PSD3: variants seen among roughly 807,000 people sequenced by gnomAD.
PSD3 encodes the protein pleckstrin and Sec7 domain containing 3.
PSD3 carries 49 observed loss-of-function variants against 105.5 expected under a neutral mutation model. The ratio of observed to expected loss-of-function variants is 0.46; its 90% CI spans 0.37 to 0.59. The LOEUF (loss-of-function observed/expected upper bound fraction) is 0.59. Ranked by LOEUF, PSD3 falls within the 20% of genes least tolerant of loss-of-function variation. PSD3 has a pLI of 0.00. For missense variants in PSD3, 1,561 were observed against 1,263.8 expected (o/e 1.24, Z -3.57); for synonymous variants, 557 against 457.8 (o/e 1.22, Z -2.77).
rs146717779 is a variant in PSD3, at chr8:18,895,825, C to T, written c.131-23092G>A. Among the ~76,000 whole-genome samples, 136 of 152,294 alleles carry T rather than the reference C, an allele frequency of 8.9e-4. 1 individual carries two copies. Among genetic ancestry groups the T allele is most frequent in the African/African-American group, 2.9e-3 (120 of 41,560 alleles). The stretch of plus-strand genomic sequence containing the variant: ...TGAAAACATTAAAAGTCCACTCTTT[C>T]GGCTATTTGAAAATATACAATAAAT... On this transcript the variant is annotated intron_variant, in intron 2 of 15. Transcript: ENST00000327040.
At chr8:18,823,137 A>G (rs1812883959) in intron 4 of PSD3, among the ~76,000 whole-genome samples, 2 of 152,126 alleles carry the variant, frequency 1.3e-5, no homozygotes, top group Non-Finnish European at 1.5e-5. Flanking sequence ...AATAACTAGA[A>G]AAGCATACCT....
rs564495033 is a variant in PSD3 at position 18,910,150 on chromosome 8, T to G, written c.130+25884A>C. On this transcript the variant is annotated intron_variant, in intron 2 of 15. Coordinates refer to ENST00000327040, the MANE Select transcript of PSD3 (RefSeq NM_015310.4). ...TCCCATTACTGGGTATATACCCAAA[T>G]GAGTATAAATCATGCTGCTATAAAG... 4.7e-4 allele frequency among the ~76,000 whole-genome samples: 72 copies of G among 152,092 alleles called. No homozygotes were observed. In the East Asian group the frequency reaches 0.011, roughly 23 times the overall value.
intron 10 of PSD3, among the ~76,000 whole-genome samples, chr8:18,647,794 C>G (rs528179866): frequency 4.6e-5 from 7 of 152,172 alleles, no homozygotes; most frequent in East Asian, 3.9e-4. Flanking sequence ...GGCATTACCC[C>G]CTTTAGTACT....
chr8:18,666,321 GA>G (rs1481269006), intron 9 of PSD3, among the ~76,000 whole-genome samples: 1 of 152,226 alleles, frequency 6.6e-6, no homozygotes, highest in Non-Finnish European at 1.5e-5. Flanking sequence ...AAAGTTCTGT[GA>G]TTAAAGGCGT....
chr8:19,072,782 G>C (rs193180657), intron 1 of PSD3, among the ~76,000 whole-genome samples: 1 of 152,166 alleles, frequency 6.6e-6, no homozygotes. Flanking sequence ...TTCTGTGCTA[G>C]GCTCAATTCC....
intron 2 of PSD3, chr8:18,887,117 G>A (rs1818497306): frequency 6.6e-6 from 1 of 152,206 alleles, no homozygotes; most frequent in South Asian, 2.1e-4. Flanking sequence ...TGTCATCTTA[G>A]TATTATGCAG....
intron 12 of PSD3, among the ~76,000 whole-genome samples, chr8:18,588,100 C>T (rs1020061272): frequency 1.3e-5 from 2 of 152,112 alleles, no homozygotes; most frequent in African/African-American, 4.8e-5. Flanking sequence ...TGGCTCGATA[C>T]CCCAAAGAAC....
At chr8:18,693,648 G>A (rs1356799038) in intron 9 of PSD3, among the ~76,000 whole-genome samples, 1 of 152,150 alleles carries the variant, frequency 6.6e-6, no homozygotes, top group Non-Finnish European at 1.5e-5. Flanking sequence ...CGGTGACAGA[G>A]CCCCCCTGTT....
intron 1 of PSD3, among the ~76,000 whole-genome samples, chr8:19,064,166 C>T (rs1267531798): frequency 1.3e-5 from 2 of 151,834 alleles, no homozygotes; most frequent in South Asian, 2.1e-4. Context: ...GCAACAACAA[C>T]AAAAAGAAAT....
At chr8:18,773,608 T>A (rs1488116662) in intron 8 of PSD3, among the ~76,000 whole-genome samples, 1 of 152,166 alleles carries the variant, frequency 6.6e-6, no homozygotes, top group Non-Finnish European at 1.5e-5. Context: ...TCCATGAACA[T>A]GAAATATTTT....
rs142223884 is a variant in PSD3, at chr8:18,814,960, A to G, written c.1635-10062T>C. Among the ~76,000 whole-genome samples, 1,148 of 152,322 alleles carry G rather than the reference A, an allele frequency of 7.5e-3. 11 individuals are homozygous for G. The highest frequency in any genetic ancestry group is 0.026 in the African/African-American group (1,075 of 41,564). ...TATGTGGATAAGAACTACAATTTTC[A>G]TATCTTAAACAGTTTGTTTAGTGTT... On this transcript the variant is annotated intron_variant, in intron 4 of 15. Transcript: ENST00000327040.
intron 9 of PSD3, among the ~76,000 whole-genome samples, chr8:18,681,410 C>A (rs1585603105): frequency 7.7e-6 from 1 of 129,680 alleles, no homozygotes. Context: ...AGTTGGAGAC[C>A]AACCTGGGCA....
chr8:18,980,423 A>C (rs1825192041), intron 1 of PSD3, among the ~76,000 whole-genome samples: 2 of 152,108 alleles, frequency 1.3e-5, no homozygotes, highest in Non-Finnish European at 1.5e-5. Flanking sequence ...TGTCAAGTGA[A>C]AGTAGCACCT....
intron 9 of PSD3, among the ~76,000 whole-genome samples, chr8:18,678,024 A>AGT (rs1479474902): frequency 3.4e-5 from 5 of 146,618 alleles, no homozygotes; most frequent in African/African-American, 1.2e-4. Flanking sequence ...AAAAAAAAAC[A>AGT]AAGTAAACAA....
At chr8:18,976,559 C>T (rs891742735) in intron 1 of PSD3, among the ~76,000 whole-genome samples, 3 of 152,222 alleles carry the variant, frequency 2.0e-5, no homozygotes, top group Non-Finnish European at 4.4e-5. Context: ...ACAGATTTCA[C>T]TTACTACATG....
At chr8:18,785,114 C>G (rs1020938283) in intron 8 of PSD3, among the ~76,000 whole-genome samples, 4 of 152,134 alleles carry the variant, frequency 2.6e-5, no homozygotes, top group East Asian at 3.9e-4. Context: ...TGTGTCAGAA[C>G]TGCTGTCACT....
At chr8:18,849,006 T>C (rs1003537601) in intron 4 of PSD3, among the ~76,000 whole-genome samples, 1 of 152,216 alleles carries the variant, frequency 6.6e-6, no homozygotes, top group African/African-American at 2.4e-5. Flanking sequence ...AAGGTCAAGA[T>C]GTCAGAAAAT....
At chr8:18,657,050 T>G (rs1232811860) in intron 9 of PSD3, among the ~76,000 whole-genome samples, 1 of 152,170 alleles carries the variant, frequency 6.6e-6, no homozygotes, top group Non-Finnish European at 1.5e-5. Context: ...CAATTAGAAC[T>G]TGAAGGCTTA....
At chr8:18,999,738 C>G (rs1200992607) in intron 1 of PSD3, among the ~76,000 whole-genome samples, 3 of 151,606 alleles carry the variant, frequency 2.0e-5, no homozygotes, top group African/African-American at 7.3e-5. Context: ...TGTATACTAA[C>G]TACACCACCC....
Sources: allele counts gnomAD v4.1 joint callset (sites outside exome capture counted in the v4.1 genomes callset), GRCh38; gene constraint gnomAD v4.1.1; transcripts MANE v1.5; gene names NCBI Gene and HGNC (gene_info 2026-07-23, HGNC 2026-07-21).